The following RFTN1 variants were observed in gnomAD, a reference collection of about 807,000 sequenced individuals.
The protein encoded by RFTN1 is raftlin, lipid raft linker 1, also known as raftlin.
In RFTN1, 26 loss-of-function variants were observed where a neutral mutation model predicts 46.5. The ratio of observed to expected loss-of-function variants is 0.56; its 90% CI spans 0.41 to 0.78. The LOEUF is 0.78. RFTN1 is among the 30% of genes least tolerant of loss of function. The pLI, the probability that RFTN1 is intolerant of heterozygous loss-of-function variation, is 0.00. For synonymous variants in RFTN1, 261 were observed against 284.2 expected (o/e 0.92, Z 0.82); for missense variants, 693 against 718.7 (o/e 0.96, Z 0.41).
intron 2 of RFTN1, among the ~76,000 whole-genome samples, chr3:16,490,935 T>A (rs2124987864): frequency 6.6e-6 from 1 of 152,294 alleles, no homozygotes; most frequent in South Asian, 2.1e-4. Context: ...ATTTGCTGAT[T>A]ATCTATTTAA....
In RFTN1 at chr3:16,507,796, C is replaced by A. The variant is rs139153946; in HGVS notation, c.-9+5646G>T. 1.8e-4 allele frequency among the ~76,000 whole-genome samples: 27 copies of A among 149,040 alleles called. No individual in the cohort carries two copies. Among genetic ancestry groups the A allele is most frequent in the Admixed American group, 2.7e-4 (4 of 14,826 alleles). On this transcript the variant is annotated intron_variant, in intron 1 of 9. Coordinates refer to ENST00000334133, the MANE Select transcript of RFTN1 (RefSeq NM_015150.2). This position sits in a 1 kb window ranked among gnomAD's most constrained non-coding sequence, Gnocchi z 7.1. ...ACACATACACTCACATACACACAAACACACACAAACGCACATACATACATA... is the reference window on the plus strand; with the variant it reads ...ACACATACACTCACATACACACAAAAACACACAAACGCACATACATACATA...
chr3:16,403,261 G>C (rs1042112800), intron 4 of RFTN1, among the ~76,000 whole-genome samples: 2 of 152,070 alleles, frequency 1.3e-5, no homozygotes, highest in African/African-American at 4.8e-5. Flanking sequence ...AAGTGCTCTA[G>C]AACACAGTCC....
rs371026085 is a variant in RFTN1, at chr3:16,422,434, T to A, written c.332+11417A>T. Reference sequence around the variant, plus strand: ...TCATGAGGTCAGGAGATGGAGACCATCCTGGCCAACATGGTGAAACCCCGT... The same window carrying A: ...TCATGAGGTCAGGAGATGGAGACCAACCTGGCCAACATGGTGAAACCCCGT... On this transcript the variant is annotated intron_variant, in intron 3 of 9. Transcript: ENST00000334133. The surrounding 1 kb of genome is among the most constrained non-coding windows in gnomAD (Gnocchi z 4.6). 4.0e-5 allele frequency among the ~76,000 whole-genome samples: 6 copies of A among 151,666 alleles called. No individual in the cohort carries two copies. Among genetic ancestry groups the A allele is most frequent in the African/African-American group, 1.5e-4 (6 of 41,254 alleles).
At chr3:16,477,057 G>A (rs2076293574) in intron 2 of RFTN1, among the ~76,000 whole-genome samples, 1 of 152,056 alleles carries the variant, frequency 6.6e-6, no homozygotes, top group Admixed American at 6.5e-5. Context: ...CAAATTTTTG[G>A]TCACAAAAAT....
At chr3:16,398,311 G>T (rs560003818) in intron 4 of RFTN1, among the ~76,000 whole-genome samples, 1 of 149,142 alleles carries the variant, frequency 6.7e-6, no homozygotes, top group Non-Finnish European at 1.5e-5. Flanking sequence ...TACTTACAAC[G>T]TGTGTGCCTC....
Position 16,443,749 on chromosome 3 carries a change from C to A in RFTN1, c.146-9712G>T, listed in dbSNP as rs2075673525. 7.6e-6 allele frequency among the ~76,000 whole-genome samples: 1 copy of A among 132,090 alleles called. No homozygotes were observed. Among genetic ancestry groups the A allele is most frequent in the Non-Finnish European group, 1.6e-5 (1 of 60,928 alleles). 86.7% of individuals were successfully genotyped at this position (132,090 alleles called of 152,430 possible). ...TCACACATAGTCAATGAATTACACA[C>A]AACACACACACACACACACACACAC... On this transcript the variant is annotated intron_variant, in intron 2 of 9. Coordinates refer to ENST00000334133, the MANE Select transcript of RFTN1 (RefSeq NM_015150.2). This position sits in a 1 kb window ranked among gnomAD's most constrained non-coding sequence, Gnocchi z 5.5.
rs919120979 is a variant in RFTN1, at chr3:16,356,787, A to G, written c.1146+1145T>C. Among the ~76,000 whole-genome samples the G allele has an allele frequency of 6.6e-6, 1 of 152,162 alleles. No homozygotes were observed. The highest frequency in any genetic ancestry group is 1.5e-5 in the Non-Finnish European group (1 of 68,024). ...GGCAGAGGCCCTCCCAGCAATGCCAATCCTGTGTTCTTCCAAAGCATTCAG... is the reference window on the plus strand; with the variant it reads ...GGCAGAGGCCCTCCCAGCAATGCCAGTCCTGTGTTCTTCCAAAGCATTCAG... On this transcript the variant is annotated intron_variant, in intron 7 of 9. Transcript: ENST00000334133. The surrounding 1 kb of genome is among the most constrained non-coding windows in gnomAD (Gnocchi z 4.9).
In RFTN1 at chr3:16,473,421, G is replaced by C. The variant is rs1445831684; in HGVS notation, c.145+20304C>G. Among the ~76,000 whole-genome samples the C allele has an allele frequency of 6.7e-6, 1 of 149,304 alleles. No individual in the cohort carries two copies. Among genetic ancestry groups the C allele is most frequent in the Non-Finnish European group, 1.5e-5 (1 of 67,608 alleles). Reference sequence around the variant, plus strand: ...TTTTTTCTTTTTTTTTTTTTCCTGAGATAGAGTCTGGCTCTGTCGCCAAGG... The same window carrying C: ...TTTTTTCTTTTTTTTTTTTTCCTGACATAGAGTCTGGCTCTGTCGCCAAGG... On this transcript the variant is annotated intron_variant, in intron 2 of 9. Coordinates refer to ENST00000334133, the MANE Select transcript of RFTN1 (RefSeq NM_015150.2). This position sits in a 1 kb window ranked among gnomAD's most constrained non-coding sequence, Gnocchi z 5.3.
At chr3:16,469,593 A>C (rs897893685) in intron 2 of RFTN1, among the ~76,000 whole-genome samples, 2 of 152,168 alleles carry the variant, frequency 1.3e-5, no homozygotes, top group African/African-American at 2.4e-5. Context: ...AGGATGCCGC[A>C]CTGGGGAGCA....
At chr3:16,362,515 A>C (rs1054164968) in intron 6 of RFTN1, among the ~76,000 whole-genome samples, 9 of 152,156 alleles carry the variant, frequency 5.9e-5, no homozygotes, top group Non-Finnish European at 1.2e-4. Context: ...TGGAGCCCCT[A>C]TCACAATAGG....
intron 2 of RFTN1, among the ~76,000 whole-genome samples, chr3:16,441,677 T>G (rs2075627011): frequency 6.6e-6 from 1 of 152,270 alleles, no homozygotes; most frequent in Non-Finnish European, 1.5e-5. Flanking sequence ...GACTTTAACC[T>G]AATTATTCAA....
chr3:16,370,639 G>A lies in RFTN1; in HGVS notation c.827-360C>T, dbSNP rs1228031168. Among the ~76,000 whole-genome samples the A allele has an allele frequency of 6.6e-6, 1 of 152,200 alleles. No individual in the cohort carries two copies. The highest frequency in any genetic ancestry group is 6.5e-5 in the Admixed American group (1 of 15,278). ...AAGATGTGTTTTAGAAATAAAAGCA[G>A]ACATACTTGGGTGAGAATGGTCTTT... On this transcript the variant is annotated intron_variant, in intron 5 of 9. Coordinates refer to ENST00000334133, the MANE Select transcript of RFTN1 (RefSeq NM_015150.2). The surrounding 1 kb of genome is among the most constrained non-coding windows in gnomAD (Gnocchi z 5.5).
rs1054586313 is a variant in RFTN1 at position 16,440,878 on chromosome 3, G to A, written c.146-6841C>T. Among the ~76,000 whole-genome samples the A allele has an allele frequency of 7.9e-5, 12 of 152,196 alleles. No homozygotes were observed. Among genetic ancestry groups the A allele is most frequent in the South Asian group, 4.2e-4 (2 of 4,814 alleles). Reference sequence around the variant, plus strand: ...GATAAAGTTGGGGGATGGATGCCCCGCACTTCTTCCTATTTCTGATCCTGC... The same window carrying A: ...GATAAAGTTGGGGGATGGATGCCCCACACTTCTTCCTATTTCTGATCCTGC... On this transcript the variant is annotated intron_variant, in intron 2 of 9. Transcript: ENST00000334133. The surrounding 1 kb of genome is among the most constrained non-coding windows in gnomAD (Gnocchi z 4.6).
intron 3 of RFTN1, among the ~76,000 whole-genome samples, chr3:16,430,160 T>C (rs955820550): frequency 1.3e-5 from 2 of 152,178 alleles, no homozygotes; most frequent in African/African-American, 4.8e-5. Flanking sequence ...TCACCCAGGC[T>C]GAAGTGCAAT....
rs73816497 is a variant in RFTN1 at position 16,485,980 on chromosome 3, T to G, written c.145+7745A>C. ...AAGAAAAATACCTTCCTTTCAACTTTCGGGGCTACTTGAATCATCAAGTGA... is the reference window on the plus strand; with the variant it reads ...AAGAAAAATACCTTCCTTTCAACTTGCGGGGCTACTTGAATCATCAAGTGA... On this transcript the variant is annotated intron_variant, in intron 2 of 9. Transcript: ENST00000334133. Among the ~76,000 whole-genome samples the G allele has an allele frequency of 1.8e-3, 280 of 152,320 alleles. 1 individual carries two copies. The highest frequency in any genetic ancestry group is 6.6e-3 in the African/African-American group (273 of 41,564).
In RFTN1 at chr3:16,468,813, C is replaced by G. The variant is rs1167376314; in HGVS notation, c.145+24912G>C. On this transcript the variant is annotated intron_variant, in intron 2 of 9. Transcript: ENST00000334133. This position sits in a 1 kb window ranked among gnomAD's most constrained non-coding sequence, Gnocchi z 4.4. ...CCCCAGTACAATGGAGCAATTAAATCTTTATAACTGAGACAAAAAAAATGC... is the reference window on the plus strand; with the variant it reads ...CCCCAGTACAATGGAGCAATTAAATGTTTATAACTGAGACAAAAAAAATGC... 6.6e-6 allele frequency among the ~76,000 whole-genome samples: 1 copy of G among 152,172 alleles called. No homozygotes were observed. The highest frequency in any genetic ancestry group is 2.4e-5 in the African/African-American group (1 of 41,416).
In RFTN1 at chr3:16,352,481, T is replaced by G. The variant is rs973557862; in HGVS notation, c.1146+5451A>C. 2.0e-5 allele frequency among the ~76,000 whole-genome samples: 3 copies of G among 152,252 alleles called. No homozygotes were observed. Among genetic ancestry groups the G allele is most frequent in the African/African-American group, 7.2e-5 (3 of 41,464 alleles). On this transcript the variant is annotated intron_variant, in intron 7 of 9. Transcript: ENST00000334133. The surrounding 1 kb of genome is among the most constrained non-coding windows in gnomAD (Gnocchi z 4.6). ...ACTCAAAGAAAGTAAACAAAATACCTGTTATAAATGCCCTATGGATAGACA... is the reference window on the plus strand; with the variant it reads ...ACTCAAAGAAAGTAAACAAAATACCGGTTATAAATGCCCTATGGATAGACA...
chr3:16,362,341 A>G (rs1433607927), intron 6 of RFTN1, among the ~76,000 whole-genome samples: 1 of 152,174 alleles, frequency 6.6e-6, no homozygotes, highest in African/African-American at 2.4e-5. Flanking sequence ...GTTCCTCCCA[A>G]GTGCTTATTC....
In RFTN1 at chr3:16,483,070, C is replaced by T. The variant is rs2076394390; in HGVS notation, c.145+10655G>A. Among the ~76,000 whole-genome samples the T allele has an allele frequency of 6.6e-6, 1 of 152,174 alleles. No individual in the cohort carries two copies. Among genetic ancestry groups the T allele is most frequent in the Non-Finnish European group, 1.5e-5 (1 of 68,036 alleles). On this transcript the variant is annotated intron_variant, in intron 2 of 9. Transcript: ENST00000334133. The surrounding 1 kb of genome is among the most constrained non-coding windows in gnomAD (Gnocchi z 4.8). ...TACTTAGAAAAAATGCCATCAACGT[C>T]AGTGACTGTATGCTCAGTTCTGCTG...
Sources: allele counts gnomAD v4.1 joint callset (sites outside exome capture counted in the v4.1 genomes callset), GRCh38; gene constraint gnomAD v4.1.1; non-coding constraint Gnocchi (gnomAD v3.1); transcripts MANE v1.5; gene names NCBI Gene and HGNC (gene_info 2026-07-23, HGNC 2026-07-21).